GTF3C3: variants seen among roughly 807,000 people sequenced by gnomAD.
GTF3C3 encodes the protein general transcription factor IIIC subunit 3.
In GTF3C3, 75 loss-of-function variants were observed where a neutral mutation model predicts 105.2. The ratio of observed to expected loss-of-function variants is 0.71; its 90% CI spans 0.59 to 0.86. The LOEUF (loss-of-function observed/expected upper bound fraction) is 0.86, where lower values mean the gene tolerates loss of function less well. GTF3C3 is among the 40% of genes least tolerant of loss of function. The pLI, the probability that GTF3C3 is intolerant of heterozygous loss-of-function variation, is 0.00. For missense variants in GTF3C3, 856 were observed against 1,076.5 expected (o/e 0.80, Z 2.87); for synonymous variants, 335 against 370.4 (o/e 0.90, Z 1.10).
rs1293506401 is a variant in GTF3C3 at position 196,776,310 on chromosome 2, A to C, written c.1593+117T>G. The C allele has an allele frequency of 2.3e-6, 2 of 869,992 alleles. No individual in the cohort carries two copies. The highest frequency in any genetic ancestry group is 3.6e-6 in the Non-Finnish European group (2 of 559,696). The allele number at this position is 869,992 out of a possible 1,614,324, so 53.9% of individuals were successfully genotyped here. On this transcript the variant is annotated intron_variant, in intron 11 of 17. Transcript: ENST00000263956. The surrounding 1 kb of genome is among the most constrained non-coding windows in gnomAD (Gnocchi z 4.5). ...CAATACTTAAAATCATTTTTCAAAA[A>C]CTTGAATACACTAAAATAAAATTTT...
intron 16 of GTF3C3, among the ~76,000 whole-genome samples, chr2:196,769,054 A>C (rs2125738730): frequency 6.6e-6 from 1 of 152,316 alleles, no homozygotes; most frequent in South Asian, 2.1e-4. Context: ...AAAGGTAGAT[A>C]AGAATATAAA....
chr2:196,778,187 C>A (rs1427675849), intron 10 of GTF3C3: 2 of 152,018 alleles, frequency 1.3e-5, no homozygotes, highest in African/African-American at 2.4e-5. Context: ...CAAGACTATT[C>A]GATCTTTAAT....
chr2:196,768,922 TACTC>T (rs1350104312), intron 16 of GTF3C3, among the ~76,000 whole-genome samples: 3 of 152,192 alleles, frequency 2.0e-5, no homozygotes, highest in Admixed American at 6.5e-5. Context: ...TCTGTGTACT[TACTC>T]ACTGCTACGT....
At chr2:196,787,398 C>T (rs1397943958) in intron 6 of GTF3C3, among the ~76,000 whole-genome samples, 2 of 152,144 alleles carry the variant, frequency 1.3e-5, no homozygotes, top group African/African-American at 4.8e-5. Flanking sequence ...GAATAAAAGC[C>T]AAAGCCCTTA....
At position 196,791,452 on chromosome 2, in the gene GTF3C3, C is replaced by T. The variant is rs1043496966; in HGVS notation, c.420G>A (p.Arg140=). The change falls in exon 4 of 18, where the codon AGG becomes AGA. Residue 140 remains arginine (R), a synonymous_variant. Transcript: ENST00000263956. ...RETKKMMKEK[R]PRSKLPRALR... The stretch of plus-strand genomic sequence containing the variant: ...GAGCTCTGGGAAGTTTACTCCGAGG[C>T]CTTTTCTCCTGTATGGAAGAAAAAT... 4 of 1,612,766 alleles carry T rather than the reference C, an allele frequency of 2.5e-6. No homozygotes were observed. Among genetic ancestry groups the T allele is most frequent in the Non-Finnish European group, 3.4e-6 (4 of 1,179,216 alleles).
rs1039917764 is a variant in GTF3C3, at chr2:196,764,649, T to C, written c.2575A>G (p.Ile859Val). ...TAGATGAGAGACAAGTTGTAGGCAA[T>C]ATCTCTTCGTAAGTCTAACTGGTCA... ...ELDQLDLRRD[I>V]AYNLSLIYQS... Residue 859 changes from isoleucine to valine, a missense_variant, in exon 18 of 18, where the codon ATT becomes GTT. Transcript: ENST00000263956. 9 of 1,611,782 alleles carry C rather than the reference T, an allele frequency of 5.6e-6. No individual in the cohort carries two copies. The highest frequency in any genetic ancestry group is 7.6e-6 in the Non-Finnish European group (9 of 1,178,034).
In GTF3C3 at chr2:196,799,536, C is replaced by T; in HGVS notation, c.76G>A (p.Glu26Lys). The T allele has an allele frequency of 1.2e-6, 2 of 1,614,118 alleles. No homozygotes were observed. Among genetic ancestry groups the T allele is most frequent in the South Asian group, 1.1e-5 (1 of 91,090 alleles). ...TTCTTCTCGCGGGTTTTTCTCTCTT[C>T]TCTCCGCCGTTCGAACTCCTCAAAG... The part of the protein sequence containing the change: ...ISFEEFERRR[E>K]ERKTREKKSL... The change falls in exon 1 of 18, where the codon GAA becomes AAA. Residue 26 changes from glutamate (E) to lysine (K), a missense_variant. Coordinates refer to ENST00000263956, the MANE Select transcript of GTF3C3 (RefSeq NM_012086.5).
intron 9 of GTF3C3, 65 bp from the exon 10 acceptor site, chr2:196,779,132 T>A: frequency 5.5e-5 from 41 of 749,330 alleles, no homozygotes; most frequent in Non-Finnish European, 7.2e-5. Context: ...ATCTATAGCT[T>A]TTTTTTTTTT....
intron 6 of GTF3C3, among the ~76,000 whole-genome samples, chr2:196,788,514 C>G (rs1349195028): frequency 6.6e-6 from 1 of 152,164 alleles, no homozygotes; most frequent in Non-Finnish European, 1.5e-5. Context: ...ATATTATATA[C>G]TGGCTCAAGA....
chr2:196,789,807 G>T, intron 5 of GTF3C3, 72 bp downstream of exon 5: 2 of 934,308 alleles, frequency 2.1e-6, no homozygotes, highest in Non-Finnish European at 3.1e-6. Context: ...CCCCAGAATA[G>T]CAAATACAAT....
intron 5 of GTF3C3, 51 bp from the exon 6 acceptor site, chr2:196,789,420 C>G: frequency 7.8e-7 from 1 of 1,287,668 alleles, no homozygotes; most frequent in South Asian, 1.5e-5. Context: ...GTGCATGGTA[C>G]CTGGGTGTGA....
chr2:196,778,747 G>C, intron 10 of GTF3C3, 149 bp downstream of exon 10: 1 of 668,086 alleles, frequency 1.5e-6, no homozygotes, highest in Non-Finnish European at 2.6e-6. Flanking sequence ...TCACTTAGTA[G>C]CCTAGCAAGA....
At chr2:196,775,691 G>A (rs1282918475) in intron 12 of GTF3C3, among the ~76,000 whole-genome samples, 3 of 152,068 alleles carry the variant, frequency 2.0e-5, no homozygotes, top group East Asian at 1.9e-4. Flanking sequence ...AGCTGGACTC[G>A]GAAAGAATAT....
intron 9 of GTF3C3, chr2:196,780,000 A>G (rs1388761833): frequency 1.3e-5 from 2 of 152,840 alleles, no homozygotes; most frequent in Admixed American, 6.5e-5. Flanking sequence ...CTGATCCCCT[A>G]TTGAAAACTG....
intron 16 of GTF3C3, among the ~76,000 whole-genome samples, chr2:196,768,086 C>T (rs185008941): frequency 3.9e-4 from 60 of 152,294 alleles, no homozygotes; most frequent in Middle Eastern, 3.4e-3. Flanking sequence ...GGTGTGATCT[C>T]AGCTCATTGC....
rs749805312 is a variant in GTF3C3 at position 196,770,019 on chromosome 2, G to A, written c.2281C>T (p.Arg761Cys). The A allele has an allele frequency of 1.6e-5, 25 of 1,564,338 alleles. No individual in the cohort carries two copies. The highest frequency in any genetic ancestry group is 1.2e-4 in the Admixed American group (6 of 48,972). Reference sequence around the variant, plus strand: ...TAGAGAGGTTCGTCAGGGTGAGTGCGAAAGGCTTGCACATACTGTCCTGGA... The same window carrying A: ...TAGAGAGGTTCGTCAGGGTGAGTGCAAAAGGCTTGCACATACTGTCCTGGA... ...HALGQYVQAF[R>C]THPDEPLYSF... Residue 761 changes from arginine (R) to cysteine (C), a missense_variant, in exon 16 of 18, where the codon CGC becomes TGC. Arg to Cys is a radical substitution (Grantham distance 180, BLOSUM62 -3). This residue lies in a region of GTF3C3 where 605 missense variants were observed against 833.6 expected (regional missense o/e 0.73). Coordinates refer to ENST00000263956, the MANE Select transcript of GTF3C3 (RefSeq NM_012086.5).
Position 196,793,164 on chromosome 2 carries a change from G to A in GTF3C3, c.215-12C>T, listed in dbSNP as rs529183822. Reference sequence around the variant, plus strand: ...ATCTGATGTTTCTCCTGAGAAAAGAGACATTGATGGGGGAGGGGTGGGGAA... The same window carrying A: ...ATCTGATGTTTCTCCTGAGAAAAGAAACATTGATGGGGGAGGGGTGGGGAA... On this transcript the variant is annotated splice_polypyrimidine_tract_variant and intron_variant, in intron 2 of 17. Transcript: ENST00000263956. The A allele has an allele frequency of 4.4e-4, 685 of 1,561,528 alleles. 14 individuals carry two copies. In the South Asian group the frequency reaches 7.5e-3, roughly 17 times the overall value.
At chr2:196,791,694 G>C in intron 3 of GTF3C3, 1 of 371,068 alleles carries the variant, frequency 2.7e-6, no homozygotes. Context: ...CCAGCACTTT[G>C]GGAGGCTGAA....
intron 8 of GTF3C3, among the ~76,000 whole-genome samples, chr2:196,781,091 A>G (rs1252931596): frequency 1.3e-5 from 2 of 151,936 alleles, no homozygotes; most frequent in Non-Finnish European, 2.9e-5. Flanking sequence ...AAATTACAGG[A>G]ATTTTTATCC....
Sources: allele counts gnomAD v4.1 joint callset (sites outside exome capture counted in the v4.1 genomes callset), GRCh38; gene constraint gnomAD v4.1.1; regional missense constraint gnomAD v4.1.1; non-coding constraint Gnocchi (gnomAD v3.1); transcripts MANE v1.5; gene names NCBI Gene and HGNC (gene_info 2026-07-23, HGNC 2026-07-21).